The following DLGAP4 variants were observed in gnomAD, a reference collection of about 807,000 sequenced individuals.
DLGAP4 encodes disks large-associated protein 4.
DLGAP4 carries 18 observed loss-of-function variants against 86.9 expected under a neutral mutation model. That is an observed-to-expected ratio of 0.21 (90% CI 0.14 to 0.31). DLGAP4 has a LOEUF of 0.31. Ranked by LOEUF, DLGAP4 falls within the 10% of genes least tolerant of loss-of-function variation. DLGAP4 has a pLI of 1.00. For synonymous variants in DLGAP4, 548 were observed against 574.3 expected (o/e 0.95, Z 0.65); for missense variants, 1,085 against 1,362.6 (o/e 0.80, Z 3.21).
intron 1 of DLGAP4, among the ~76,000 whole-genome samples, chr20:36,317,646 G>C (rs1170311900): frequency 2.0e-5 from 3 of 151,532 alleles, no homozygotes; most frequent in Non-Finnish European, 4.4e-5. Flanking sequence ...ATTTAGAGAT[G>C]GGGTCTTGCT....
chr20:36,506,629 A>C (rs1250328880), intron 10 of DLGAP4, among the ~76,000 whole-genome samples: 3 of 152,210 alleles, frequency 2.0e-5, no homozygotes, highest in Admixed American at 6.5e-5. Flanking sequence ...TAAACTTGAC[A>C]ATGTTCTTTT....
chr20:36,431,989 A>G lies in DLGAP4; in HGVS notation c.272A>G (p.His91Arg), dbSNP rs2033142838. The change falls in exon 3 of 13, where the codon CAT becomes CGT. Residue 91 changes from histidine (H) to arginine (R), a missense_variant. Coordinates refer to ENST00000339266, the MANE Select transcript of DLGAP4 (RefSeq NM_001365621.2). This position sits in a 1 kb window ranked among gnomAD's most constrained non-coding sequence, Gnocchi z 5.1. ...CCAGAGGAGAGCCCCTTCCCCAGCC[A>G]TGCCCAAGCCACCAAGATCAACCGG... ...EVPEESPFPS[H>R]AQATKINRLP... 2 of 1,614,032 alleles carry G rather than the reference A, an allele frequency of 1.2e-6. No individual in the cohort carries two copies. Among genetic ancestry groups the G allele is most frequent in the African/African-American group, 1.3e-5 (1 of 74,924 alleles).
chr20:36,497,266 C>G, intron 8 of DLGAP4, 200 bp downstream of exon 8: 1 of 985,438 alleles, frequency 1.0e-6, no homozygotes, highest in Non-Finnish European at 1.2e-6. Flanking sequence ...TGCTGCTGGT[C>G]AGCAGCTGTG....
intron 7 of DLGAP4, among the ~76,000 whole-genome samples, chr20:36,490,304 C>T (rs755445795): frequency 2.6e-5 from 4 of 152,192 alleles, no homozygotes; most frequent in Non-Finnish European, 4.4e-5. Context: ...TTGGAATTCT[C>T]TTCCCAGCTG....
At chr20:36,477,190 G>C (rs117566921) in intron 7 of DLGAP4, among the ~76,000 whole-genome samples, 2 of 151,072 alleles carry the variant, frequency 1.3e-5, no homozygotes, top group East Asian at 3.9e-4. Flanking sequence ...TCGCCTCCTA[G>C]GTCCAAGTGA....
chr20:36,459,989 T>G (rs1263706074), intron 7 of DLGAP4, among the ~76,000 whole-genome samples: 1 of 152,216 alleles, frequency 6.6e-6, no homozygotes, highest in Non-Finnish European at 1.5e-5. Context: ...AATCTTGCCT[T>G]GGTCCAGTTT....
chr20:36,514,858 C>A (rs1488359380), intron 10 of DLGAP4, among the ~76,000 whole-genome samples: 1 of 152,060 alleles, frequency 6.6e-6, no homozygotes, highest in Non-Finnish European at 1.5e-5. Flanking sequence ...CGAATTAGTG[C>A]CCAAGTAGAG....
chr20:36,371,107 G>A (rs2030915402), intron 2 of DLGAP4, among the ~76,000 whole-genome samples: 1 of 152,228 alleles, frequency 6.6e-6, no homozygotes, highest in African/African-American at 2.4e-5. Flanking sequence ...TCCTGTGCGT[G>A]CAGAAAGCCT....
chr20:36,453,477 C>T (rs1263328008), intron 7 of DLGAP4, among the ~76,000 whole-genome samples: 4 of 151,986 alleles, frequency 2.6e-5, no homozygotes, highest in African/African-American at 7.3e-5. Flanking sequence ...TAGTGAGAAC[C>T]TGTCTCTACA....
chr20:36,365,964 C>A (rs1334584711), intron 1 of DLGAP4, among the ~76,000 whole-genome samples: 1 of 152,106 alleles, frequency 6.6e-6, no homozygotes, highest in Non-Finnish European at 1.5e-5. Flanking sequence ...AGTTTCTTGA[C>A]CTGTAAAATT....
intron 7 of DLGAP4, among the ~76,000 whole-genome samples, chr20:36,483,848 A>G (rs118164920): frequency 0.027 from 4,175 of 152,332 alleles, 87 homozygotes; most frequent in Middle Eastern, 0.058. Context: ...CCTCATGGTC[A>G]GCAGAGCCAG....
intron 7 of DLGAP4, among the ~76,000 whole-genome samples, chr20:36,471,351 G>A (rs529227060): frequency 6.6e-4 from 101 of 152,182 alleles, no homozygotes; most frequent in South Asian, 4.1e-3. Flanking sequence ...AAAATTAGCC[G>A]GGCGTGGTGG....
intron 7 of DLGAP4, among the ~76,000 whole-genome samples, chr20:36,448,934 A>G (rs2033666840): frequency 6.6e-6 from 1 of 151,816 alleles, no homozygotes; most frequent in Admixed American, 6.6e-5. Flanking sequence ...ACCTTGTCTC[A>G]AAGAAAAAAA....
chr20:36,311,417 T>C (rs2065052542), intron 1 of DLGAP4, among the ~76,000 whole-genome samples: 1 of 152,140 alleles, frequency 6.6e-6, no homozygotes, highest in South Asian at 2.1e-4. Flanking sequence ...GACGTGGCCT[T>C]TTCAAAAACC....
At chr20:36,477,424 C>T (rs752561434) in intron 7 of DLGAP4, among the ~76,000 whole-genome samples, 1 of 152,226 alleles carries the variant, frequency 6.6e-6, no homozygotes, top group Non-Finnish European at 1.5e-5. Flanking sequence ...CAATGCACAT[C>T]TAAGCTTATG....
intron 2 of DLGAP4, among the ~76,000 whole-genome samples, chr20:36,383,997 A>AG (rs1426352473): frequency 2.6e-4 from 40 of 152,042 alleles, no homozygotes; most frequent in African/African-American, 8.9e-4. Flanking sequence ...AAAAAAAAAA[A>AG]AAAGAAAGAA....
At chr20:36,402,002 A>G (rs537028862) in intron 2 of DLGAP4, among the ~76,000 whole-genome samples, 1 of 152,322 alleles carries the variant, frequency 6.6e-6, no homozygotes, top group Admixed American at 6.5e-5. Flanking sequence ...AGAAAGCTGG[A>G]GACAGTGGCA....
chr20:36,306,522 CGG>C lies in DLGAP4; in HGVS notation c.-304+14_-304+15del, dbSNP rs2065003721. 1 of 151,728 alleles carries C rather than the reference CGG, an allele frequency of 6.6e-6. No homozygotes were observed. Among genetic ancestry groups the C allele is most frequent in the Non-Finnish European group, 1.5e-5 (1 of 67,726 alleles). 9.4% of individuals were successfully genotyped at this position (151,728 alleles called of 1,614,324 possible). A position where few individuals can be genotyped will look rare whatever the true frequency, so the allele number is the denominator to read the frequency against. ...GAGGCGCCCGGCGCAGGTGAGGGCG[CGG>C]GGGTGGCGCGCGGCGGCTCCTACCC... On this transcript the variant is annotated intron_variant, in intron 1 of 12. Transcript: ENST00000339266. This position sits in a 1 kb window ranked among gnomAD's most constrained non-coding sequence, Gnocchi z 4.9.
intron 2 of DLGAP4, among the ~76,000 whole-genome samples, chr20:36,378,839 G>A (rs1475918469): frequency 6.6e-6 from 1 of 152,028 alleles, no homozygotes; most frequent in Non-Finnish European, 1.5e-5. Flanking sequence ...CTATTTGGCT[G>A]GAGTAGAAAG....
Sources: allele counts gnomAD v4.1 joint callset (sites outside exome capture counted in the v4.1 genomes callset), GRCh38; gene constraint gnomAD v4.1.1; non-coding constraint Gnocchi (gnomAD v3.1); transcripts MANE v1.5; gene names NCBI Gene and HGNC (gene_info 2026-07-23, HGNC 2026-07-21).